SMAP2: variants seen among roughly 807,000 people sequenced by gnomAD.
SMAP2 encodes small ArfGAP2, also known as stromal membrane-associated protein 2.
A neutral mutation model predicts 56.4 loss-of-function variants in SMAP2; 25 were observed. That is an observed-to-expected ratio of 0.44 (90% CI 0.32 to 0.62). SMAP2 has a LOEUF of 0.62. SMAP2 is among the 20% of genes least tolerant of loss of function. The pLI is 0.04. For synonymous variants in SMAP2, 157 were observed against 181.7 expected (o/e 0.86, Z 1.09); for missense variants, 388 against 545.6 (o/e 0.71, Z 2.88).
intron 2 of SMAP2, chr1:40,365,052 G>A (rs929583692): frequency 8.9e-6 from 2 of 223,854 alleles, no homozygotes; most frequent in African/African-American, 4.6e-5. Context: ...ATGTGAAGAT[G>A]ACAGACGATG....
upstream of SMAP2, among the ~76,000 whole-genome samples, chr1:40,373,073 A>C (rs1644507628): frequency 6.6e-6 from 1 of 152,206 alleles, no homozygotes; most frequent in Non-Finnish European, 1.5e-5. Flanking sequence ...AATAACGTTC[A>C]GTAAAAGTCT....
chr1:40,417,153 C>G, intron 9 of SMAP2, 57 bp downstream of exon 9: 3 of 1,265,026 alleles, frequency 2.4e-6, no homozygotes, highest in Non-Finnish European at 3.3e-6. Context: ...AAGTTTTTCT[C>G]GGTTTGTACC....
In SMAP2 at chr1:40,374,590, T is replaced by G. The variant is rs1644523056; in HGVS notation, c.103+367T>G. ...GGATGAACTGCATTGCGTGCGTGCG[T>G]GCGTGCGTGTGTGTGTGTGTGTGTG... is the stretch of plus-strand genomic sequence containing the variant. On this transcript the variant is annotated intron_variant, in intron 1 of 9. Transcript: ENST00000372718. The surrounding 1 kb of genome is among the most constrained non-coding windows in gnomAD (Gnocchi z 5.9). 1 of 1,312,404 alleles carries G rather than the reference T, an allele frequency of 7.6e-7. No individual in the cohort carries two copies. The highest frequency in any genetic ancestry group is 1.9e-5 in the African/African-American group (1 of 52,292). 81.3% of individuals were successfully genotyped at this position (1,312,404 alleles called of 1,614,324 possible). A position where few individuals can be genotyped will look rare whatever the true frequency, so the allele number is the denominator to read the frequency against.
At position 40,385,185 on chromosome 1, in the gene SMAP2, C is replaced by T. The variant is rs1644641719; in HGVS notation, c.103+10962C>T. Among the ~76,000 whole-genome samples, 1 of 152,148 alleles carries T rather than the reference C, an allele frequency of 6.6e-6. No individual in the cohort carries two copies. The highest frequency in any genetic ancestry group is 2.4e-5 in the African/African-American group (1 of 41,428). On this transcript the variant is annotated intron_variant, in intron 1 of 9. Coordinates refer to ENST00000372718, the MANE Select transcript of SMAP2 (RefSeq NM_022733.3). The surrounding 1 kb of genome is among the most constrained non-coding windows in gnomAD (Gnocchi z 4.5). ...CTCCCTCATGTGTGGCTGAAGCTTG[C>T]CCTGGAATCCCACCTTTGTAGCATG...
At chr1:40,364,850 A>G (rs1417708617) in intron 2 of SMAP2, 1 of 184,304 alleles carries the variant, frequency 5.4e-6, no homozygotes, top group Non-Finnish European at 1.2e-5. Context: ...GTCAAAAAGT[A>G]TAATGTCTTT....
chr1:40,422,105 C>T lies in SMAP2; in HGVS notation c.*4C>T, dbSNP rs770599427. ...CAGTCCTCAGATGTGGAAATAAAAA[C>T]AAAACACCTGTATGGCTGCCATTCT... On this transcript the variant is annotated 3_prime_UTR_variant, in exon 10 of 10. Transcript: ENST00000372718. The T allele has an allele frequency of 3.7e-6, 6 of 1,613,940 alleles. No individual in the cohort carries two copies. In the East Asian group the frequency reaches 1.3e-4, roughly 36 times the overall value.
At chr1:40,366,353 G>A (rs1163582208) in intron 2 of SMAP2, among the ~76,000 whole-genome samples, 1 of 134,406 alleles carries the variant, frequency 7.4e-6, no homozygotes, top group African/African-American at 2.8e-5. Context: ...TACAGAGAAC[G>A]CCACAAAGAT....
intron 2 of SMAP2, among the ~76,000 whole-genome samples, chr1:40,407,953 C>T (rs112536146): frequency 7.2e-5 from 11 of 152,230 alleles, no homozygotes; most frequent in African/African-American, 2.6e-4. Flanking sequence ...CATTGAAACG[C>T]TTTAATTTCA....
At chr1:40,358,109 A>G (rs945833183) in intron 1 of SMAP2, among the ~76,000 whole-genome samples, 5 of 152,006 alleles carry the variant, frequency 3.3e-5, no homozygotes, top group Admixed American at 6.6e-5. Context: ...TTATTTCATC[A>G]ATGTTTTATA....
intron 1 of SMAP2, among the ~76,000 whole-genome samples, chr1:40,376,344 G>C (rs961422733): frequency 6.6e-5 from 10 of 152,196 alleles, no homozygotes; most frequent in Non-Finnish European, 1.5e-4. Flanking sequence ...CTGCTGGCTT[G>C]TAAACTTTAT....
Position 40,416,772 on chromosome 1 carries a change from C to T in SMAP2, c.848-8C>T. 6.3e-7 allele frequency: 1 copy of T among 1,590,960 alleles called. No individual in the cohort carries two copies. The highest frequency in any genetic ancestry group is 1.1e-5 in the South Asian group (1 of 90,118). The stretch of plus-strand genomic sequence containing the variant: ...TTTAACCAACCTGTATGTGTGTTTT[C>T]TTGGCAGCAATGTTCATGGCTCCCG... On this transcript the variant is annotated splice_region_variant and splice_polypyrimidine_tract_variant and intron_variant, in intron 8 of 9. Coordinates refer to ENST00000372718, the MANE Select transcript of SMAP2 (RefSeq NM_022733.3).
chr1:40,366,285 A>G (rs1644480824), intron 2 of SMAP2, among the ~76,000 whole-genome samples: 1 of 149,022 alleles, frequency 6.7e-6, no homozygotes, highest in African/African-American at 2.5e-5. Context: ...TCTGCAGGAT[A>G]TTATCCAGGA....
chr1:40,394,470 A>G (rs890088726), intron 1 of SMAP2, among the ~76,000 whole-genome samples: 1 of 152,178 alleles, frequency 6.6e-6, no homozygotes, highest in East Asian at 1.9e-4. Flanking sequence ...ACTGGCCTCT[A>G]ACGGAAGCAA....
intron 1 of SMAP2, among the ~76,000 whole-genome samples, chr1:40,391,856 A>G (rs1644720680): frequency 6.6e-6 from 1 of 152,202 alleles, no homozygotes; most frequent in Non-Finnish European, 1.5e-5. Context: ...AGAGGAAGTT[A>G]AACTGAAGTA....
At chr1:40,381,758 A>G (rs975546851) in intron 1 of SMAP2, among the ~76,000 whole-genome samples, 1 of 152,216 alleles carries the variant, frequency 6.6e-6, no homozygotes, top group Admixed American at 6.5e-5. Flanking sequence ...TCCACCTGCT[A>G]TTCACATGGG....
chr1:40,347,035 TA>T, intron 1 of SMAP2, among the ~76,000 whole-genome samples: 1 of 149,968 alleles, frequency 6.7e-6, no homozygotes, highest in Admixed American at 6.6e-5. Flanking sequence ...TTTATTTATT[TA>T]TTTATTTATT....
At chr1:40,350,978 C>T (rs1315831864) in intron 1 of SMAP2, among the ~76,000 whole-genome samples, 2 of 152,218 alleles carry the variant, frequency 1.3e-5, no homozygotes, top group Non-Finnish European at 2.9e-5. Flanking sequence ...AGAGTGGAGA[C>T]TCTGAAGACT....
intron 1 of SMAP2, chr1:40,393,381 G>A: frequency 7.2e-6 from 11 of 1,535,412 alleles, no homozygotes; most frequent in Non-Finnish European, 9.6e-6. Flanking sequence ...GCAGCAGAGC[G>A]CCGTGGGAGT....
intron 4 of SMAP2, 137 bp from the exon 5 acceptor site, chr1:40,412,879 G>T (rs770735826): frequency 1.6e-6 from 1 of 627,350 alleles, no homozygotes; most frequent in Non-Finnish European, 2.8e-6. Context: ...CCAAGACACC[G>T]CCCCCCAAGC....
Sources: allele counts gnomAD v4.1 joint callset (sites outside exome capture counted in the v4.1 genomes callset), GRCh38; gene constraint gnomAD v4.1.1; non-coding constraint Gnocchi (gnomAD v3.1); transcripts MANE v1.5; gene names NCBI Gene and HGNC (gene_info 2026-07-23, HGNC 2026-07-21).